PPA2: variants seen among roughly 807,000 people sequenced by gnomAD.
PPA2 encodes the protein inorganic pyrophosphatase 2, mitochondrial.
In PPA2, 48 loss-of-function variants were observed where a neutral mutation model predicts 49.5. The observed-to-expected ratio is 0.97, with a 90% CI of 0.77 to 1.23. PPA2 has a LOEUF of 1.23. PPA2 is among the 50% of genes most tolerant of loss of function. The probability of loss-of-function intolerance (pLI) is 0.00; values close to 1 mark genes in which losing one functional copy is unlikely to be tolerated. For synonymous variants in PPA2, 131 were observed against 139.9 expected, an observed-to-expected ratio of 0.94 and a Z score of 0.45; for missense variants, 429 against 410.1, an observed-to-expected ratio of 1.05 and a Z score of -0.40.
intron 10 of PPA2, among the ~76,000 whole-genome samples, chr4:105,375,575 GC>G (rs1156520057): frequency 6.6e-6 from 1 of 152,094 alleles, no homozygotes; most frequent in Non-Finnish European, 1.5e-5. Flanking sequence ...TAAAGTGCGT[GC>G]CCATAGAGGG....
intron 1 of PPA2, among the ~76,000 whole-genome samples, chr4:105,465,325 T>A (rs1482826990): frequency 1.3e-5 from 2 of 152,204 alleles, no homozygotes; most frequent in South Asian, 4.1e-4. Context: ...ATCACGTCTA[T>A]AAGTTATTCC....
At chr4:105,459,446 A>G (rs72952290) in intron 1 of PPA2, among the ~76,000 whole-genome samples, 6,661 of 152,292 alleles carry the variant, frequency 0.044, 497 homozygotes, top group African/African-American at 0.15. Flanking sequence ...ACATGTTTTC[A>G]ATTAAAATAA....
intron 9 of PPA2, among the ~76,000 whole-genome samples, chr4:105,393,041 T>C (rs187100856): frequency 6.6e-6 from 1 of 152,152 alleles, no homozygotes; most frequent in African/African-American, 2.4e-5. Flanking sequence ...GGAAACAAAA[T>C]GAGTAAAGGT....
In PPA2 at chr4:105,451,039, C is replaced by G. The variant is rs149803006; in HGVS notation, c.268-1636G>C. ...AGAAGTGATTTAACATACTTATTTT[C>G]GATCATGCCACACATCAATACCACC... On this transcript the variant is annotated intron_variant, in intron 3 of 11. Coordinates refer to ENST00000341695, the MANE Select transcript of PPA2 (RefSeq NM_176869.3). Among the ~76,000 whole-genome samples the G allele has an allele frequency of 1.2e-3, 190 of 152,188 alleles. 1 individual carries two copies. The highest frequency in any genetic ancestry group is 4.2e-3 in the African/African-American group (173 of 41,510).
chr4:105,433,427 C>T (rs975462930), intron 6 of PPA2, among the ~76,000 whole-genome samples: 1 of 152,120 alleles, frequency 6.6e-6, no homozygotes, highest in African/African-American at 2.4e-5. Flanking sequence ...AATTAGACTC[C>T]CATTTGAAAA....
chr4:105,389,685 G>A (rs905981095), intron 9 of PPA2, among the ~76,000 whole-genome samples: 1 of 151,956 alleles, frequency 6.6e-6, no homozygotes, highest in Admixed American at 6.6e-5. Context: ...TTTTGTGAAG[G>A]GAAACCATTT....
At chr4:105,421,282 T>C (rs1723240370) in intron 7 of PPA2, among the ~76,000 whole-genome samples, 1 of 152,084 alleles carries the variant, frequency 6.6e-6, no homozygotes, top group East Asian at 1.9e-4. Context: ...TTAAGAAATA[T>C]AAGCACATCA....
chr4:105,386,159 G>C (rs1733672658), intron 10 of PPA2, among the ~76,000 whole-genome samples: 1 of 152,144 alleles, frequency 6.6e-6, no homozygotes, highest in Non-Finnish European at 1.5e-5. Context: ...GGGATTACGG[G>C]AAGGAGCTCC....
chr4:105,448,971 C>A (rs1326802062), intron 4 of PPA2, among the ~76,000 whole-genome samples: 1 of 126,184 alleles, frequency 7.9e-6, no homozygotes, highest in Non-Finnish European at 1.6e-5. Context: ...GTAATCCCAG[C>A]ACTTTGGGAG....
In PPA2 at chr4:105,407,027, C is replaced by T. The variant is rs546216342; in HGVS notation, c.656-7863G>A. 10 of 150,104 alleles carry T rather than the reference C, an allele frequency of 6.7e-5. No homozygotes were observed. In the East Asian group the frequency reaches 2.0e-3, roughly 29 times the overall value. The allele number at this position is 150,104 out of a possible 1,614,324, so 9.3% of individuals were successfully genotyped here. A position where few individuals can be genotyped will look rare whatever the true frequency, so the allele number is the denominator to read the frequency against. On this transcript the variant is annotated intron_variant, in intron 7 of 11. Coordinates refer to ENST00000341695, the MANE Select transcript of PPA2 (RefSeq NM_176869.3). ...TACATATACTAAAATTGGAACAATA[C>T]AGAGAAGATTAGCATAGCCCCTGCG...
At chr4:105,383,526 T>C (rs55855666) in intron 10 of PPA2, among the ~76,000 whole-genome samples, 8,397 of 152,282 alleles carry the variant, frequency 0.055, 295 homozygotes, top group Non-Finnish European at 0.077. Context: ...AATAGTTCTA[T>C]CAACCACTCA....
chr4:105,447,578 A>C (rs1722452931), intron 4 of PPA2, among the ~76,000 whole-genome samples: 1 of 152,202 alleles, frequency 6.6e-6, no homozygotes. Flanking sequence ...TATATTATTT[A>C]GCTTAAGTTA....
At chr4:105,434,080 G>A (rs529822551) in intron 6 of PPA2, among the ~76,000 whole-genome samples, 25 of 152,050 alleles carry the variant, frequency 1.6e-4, no homozygotes, top group Non-Finnish European at 2.6e-4. Context: ...CTCTTAGCTC[G>A]CCTCCCAAAG....
At chr4:105,429,083 T>C (rs1434474632) in intron 6 of PPA2, among the ~76,000 whole-genome samples, 1 of 152,186 alleles carries the variant, frequency 6.6e-6, no homozygotes, top group Non-Finnish European at 1.5e-5. Flanking sequence ...CTGGCTGCTC[T>C]AAATCTACAA....
intron 4 of PPA2, among the ~76,000 whole-genome samples, chr4:105,448,439 A>G (rs1722507957): frequency 6.6e-6 from 1 of 152,160 alleles, no homozygotes; most frequent in African/African-American, 2.4e-5. Context: ...ATAACTAAAC[A>G]AAGTAACGTA....
At chr4:105,401,343 CTT>C (rs1722181100) in intron 7 of PPA2, among the ~76,000 whole-genome samples, 2 of 152,036 alleles carry the variant, frequency 1.3e-5, no homozygotes, top group African/African-American at 4.8e-5. Context: ...ATGACTTCTG[CTT>C]TTTCTTCTAT....
At chr4:105,444,576 T>A (rs974472241) in intron 5 of PPA2, among the ~76,000 whole-genome samples, 2 of 152,180 alleles carry the variant, frequency 1.3e-5, no homozygotes, top group Non-Finnish European at 2.9e-5. Context: ...CATCTGGAAA[T>A]CCAGACACAT....
intron 7 of PPA2, among the ~76,000 whole-genome samples, chr4:105,409,853 G>T (rs1299980345): frequency 6.6e-6 from 1 of 152,178 alleles, no homozygotes; most frequent in African/African-American, 2.4e-5. Context: ...CTAACAGAAA[G>T]GAATAGCATC....
At chr4:105,403,901 C>A (rs566010027) in intron 7 of PPA2, among the ~76,000 whole-genome samples, 1 of 149,958 alleles carries the variant, frequency 6.7e-6, no homozygotes, top group Non-Finnish European at 1.5e-5. Context: ...ATTCTTTCTA[C>A]TCTTTTTTTT....
Sources: gnomAD v4.1 joint callset for allele counts (sites outside exome capture counted in the v4.1 genomes callset) on GRCh38, gnomAD v4.1.1 for gene constraint, MANE v1.5 for transcripts, NCBI Gene and HGNC (gene_info 2026-07-23, HGNC 2026-07-21) for gene names.